PPP4R2: variants seen among roughly 807,000 people sequenced by gnomAD.
The protein encoded by PPP4R2 is protein phosphatase 4 regulatory subunit 2.
PPP4R2 carries 13 observed loss-of-function variants against 47.2 expected under a neutral mutation model. That is an observed-to-expected ratio of 0.28 (90% CI 0.18 to 0.44). PPP4R2 has a LOEUF of 0.44. Among genes scored for constraint, PPP4R2 ranks in the 20% least tolerant of loss-of-function variants. The probability of loss-of-function intolerance (pLI) is 1.00; values close to 1 mark genes in which losing one functional copy is unlikely to be tolerated. For missense variants in PPP4R2, 421 were observed against 491.2 expected (o/e 0.86, Z 1.35); for synonymous variants, 151 against 163.3 (o/e 0.92, Z 0.57).
chr3:73,036,639 C>G (rs1702265623), intron 2 of PPP4R2, among the ~76,000 whole-genome samples: 1 of 152,114 alleles, frequency 6.6e-6, no homozygotes, highest in African/African-American at 2.4e-5. Context: ...GTCCTTAAAC[C>G]AAAGTACAAA....
At chr3:73,055,601 A>G (rs1035920592) in intron 3 of PPP4R2, among the ~76,000 whole-genome samples, 10 of 151,752 alleles carry the variant, frequency 6.6e-5, no homozygotes, top group Admixed American at 6.6e-5. Flanking sequence ...TCCTTATATC[A>G]TCTTAGTTTT....
intron 2 of PPP4R2, among the ~76,000 whole-genome samples, chr3:73,022,335 T>A (rs1157047565): frequency 6.6e-6 from 1 of 151,868 alleles, no homozygotes; most frequent in Non-Finnish European, 1.5e-5. Flanking sequence ...TTCAGTTGAT[T>A]TTTAAATAAG....
At chr3:73,009,559 A>G (rs567244791) in intron 2 of PPP4R2, among the ~76,000 whole-genome samples, 22 of 152,332 alleles carry the variant, frequency 1.4e-4, no homozygotes, top group African/African-American at 4.8e-4. Flanking sequence ...TGTATATGAC[A>G]TTACTGGATA....
At chr3:73,054,565 G>A (rs527650396) in intron 3 of PPP4R2, among the ~76,000 whole-genome samples, 5 of 152,284 alleles carry the variant, frequency 3.3e-5, no homozygotes, top group African/African-American at 1.2e-4. Context: ...AGAAAAGACA[G>A]TAAAATCCAC....
Position 73,002,629 on chromosome 3 carries a change from C to CTTTTTTT in PPP4R2, c.116+4475_116+4476insTTTTTTT, listed in dbSNP as rs1245599779. On this transcript the variant is annotated intron_variant, in intron 2 of 8. Transcript: ENST00000356692. ...TTTTTCTTTTCTTTTCTTTTCTTTT[C>CTTTTTTT]TTTTCTTTTTTTTTTTTTTTTTTTT... Among the ~76,000 whole-genome samples, 417 of 82,812 alleles carry CTTTTTTT rather than the reference C, an allele frequency of 5.0e-3. 20 individuals carry two copies. Among genetic ancestry groups the CTTTTTTT allele is most frequent in the Non-Finnish European group, 7.1e-3 (294 of 41,496 alleles). The allele number at this position is 82,812 out of a possible 152,430, so 54.3% of individuals were successfully genotyped here.
intron 2 of PPP4R2, among the ~76,000 whole-genome samples, chr3:73,011,352 G>A (rs1187368065): frequency 6.6e-6 from 1 of 152,136 alleles, no homozygotes; most frequent in East Asian, 1.9e-4. Flanking sequence ...ATGGTGGCAG[G>A]CGCTTTTAGT....
At chr3:73,002,650 T>TTTTTTC (rs1701500103) in intron 2 of PPP4R2, among the ~76,000 whole-genome samples, 4 of 127,036 alleles carry the variant, frequency 3.1e-5, no homozygotes, top group Admixed American at 7.7e-5. Flanking sequence ...TTTTTTTTTT[T>TTTTTTC]TTTTTTTTTG....
chr3:72,997,266 T>G (rs1054387530), intron 1 of PPP4R2, 195 bp downstream of exon 1: 4 of 421,078 alleles, frequency 9.5e-6, no homozygotes, highest in Non-Finnish European at 1.7e-5. Flanking sequence ...TCTGGCTTTG[T>G]GTCGGCCGCC....
At chr3:73,053,901 A>G (rs1244669668) in intron 3 of PPP4R2, among the ~76,000 whole-genome samples, 4 of 115,138 alleles carry the variant, frequency 3.5e-5, no homozygotes, top group African/African-American at 7.4e-5. Context: ...AGAGCGAGAC[A>G]CCATCTCAAA....
At chr3:73,015,092 T>C (rs1051691827) in intron 2 of PPP4R2, 3 of 447,852 alleles carry the variant, frequency 6.7e-6, no homozygotes, top group Non-Finnish European at 1.2e-5. Flanking sequence ...AGAAAATAAA[T>C]ACTGAGAGCA....
At chr3:73,050,427 T>G (rs1304285550) in intron 3 of PPP4R2, among the ~76,000 whole-genome samples, 2 of 152,092 alleles carry the variant, frequency 1.3e-5, no homozygotes, top group East Asian at 1.9e-4. Flanking sequence ...GAAACATGTT[T>G]ACAAAATGTT....
intron 3 of PPP4R2, among the ~76,000 whole-genome samples, chr3:73,051,310 C>G (rs191264877): frequency 2.4e-4 from 37 of 152,296 alleles, no homozygotes; most frequent in Admixed American, 1.8e-3. Context: ...ATTGACTTAG[C>G]AAAATGTGGT....
chr3:73,017,308 A>G (rs1362923745), intron 2 of PPP4R2, among the ~76,000 whole-genome samples: 1 of 151,966 alleles, frequency 6.6e-6, no homozygotes, highest in East Asian at 1.9e-4. Context: ...AACCACAGGT[A>G]ACCATAGAGG....
chr3:73,031,847 CA>C (rs1479259032), intron 2 of PPP4R2, among the ~76,000 whole-genome samples: 1 of 152,226 alleles, frequency 6.6e-6, no homozygotes, highest in Non-Finnish European at 1.5e-5. Flanking sequence ...ATGTTCTCCC[CA>C]TCCTGAGTTT....
At chr3:73,044,960 T>TA (rs1702453339) in intron 2 of PPP4R2, among the ~76,000 whole-genome samples, 1 of 152,202 alleles carries the variant, frequency 6.6e-6, no homozygotes, top group Non-Finnish European at 1.5e-5. Context: ...TTGATGTAAT[T>TA]CAATTTATCA....
In PPP4R2 at chr3:73,004,707, T is replaced by C. The variant is rs576698583; in HGVS notation, c.116+6549T>C. The stretch of plus-strand genomic sequence containing the variant: ...TGATCTGCCCACTTTGTTGGCCTCT[T>C]AAAGTGCAGGGATTACAGAGGTGTC... On this transcript the variant is annotated intron_variant, in intron 2 of 8. Transcript: ENST00000356692. Among the ~76,000 whole-genome samples the C allele has an allele frequency of 8.9e-4, 135 of 152,220 alleles. 3 individuals carry two copies. Among genetic ancestry groups the C allele is most frequent in the African/African-American group, 3.1e-3 (130 of 41,522 alleles).
Position 73,002,634 on chromosome 3 carries a change from C to CTTTTCT in PPP4R2, c.116+4480_116+4481insCTTTTT, listed in dbSNP as rs1205542107. 6.6e-3 allele frequency among the ~76,000 whole-genome samples: 271 copies of CTTTTCT among 41,206 alleles called. 6 individuals carry two copies. Among genetic ancestry groups the CTTTTCT allele is most frequent in the African/African-American group, 0.02 (172 of 8,578 alleles). The allele number at this position is 41,206 out of a possible 152,430, so 27.0% of individuals were successfully genotyped here. ...CTTTTCTTTTCTTTTCTTTTCTTTT[C>CTTTTCT]TTTTTTTTTTTTTTTTTTTTTTTTT... On this transcript the variant is annotated intron_variant, in intron 2 of 8. Transcript: ENST00000356692.
Position 73,067,573 on chromosome 3 carries a change from A to C in PPP4R2, c.*1851A>C, listed in dbSNP as rs1703026990. 6.6e-6 allele frequency: 1 copy of C among 152,180 alleles called. No individual in the cohort carries two copies. The highest frequency in any genetic ancestry group is 2.1e-4 in the South Asian group (1 of 4,836). The allele number at this position is 152,180 out of a possible 1,614,324, so 9.4% of individuals were successfully genotyped here. A position where few individuals can be genotyped will look rare whatever the true frequency, so the allele number is the denominator to read the frequency against. Reference sequence around the variant, plus strand: ...TTGTAAATTTTTAAAAAATTTTTCAAAAATGTTAAAATGAGGCAAATTTAA... The same window carrying C: ...TTGTAAATTTTTAAAAAATTTTTCACAAATGTTAAAATGAGGCAAATTTAA... On this transcript the variant is annotated 3_prime_UTR_variant, in exon 9 of 9. Coordinates refer to ENST00000356692, the MANE Select transcript of PPP4R2 (RefSeq NM_174907.4).
intron 2 of PPP4R2, chr3:73,015,759 T>C: frequency 2.3e-6 from 1 of 438,526 alleles, no homozygotes. Context: ...TGCCTTATCC[T>C]CCTGAGTAGC....
Sources: gnomAD v4.1 joint callset for allele counts (sites outside exome capture counted in the v4.1 genomes callset) on GRCh38, gnomAD v4.1.1 for gene constraint, MANE v1.5 for transcripts, NCBI Gene and HGNC (gene_info 2026-07-23, HGNC 2026-07-21) for gene names.